Variants in KLHL1 observed in about 807,000 individuals in gnomAD.
KLHL1 encodes kelch-like protein 1.
KLHL1 carries 47 observed loss-of-function variants against 77.7 expected under a neutral mutation model. The observed-to-expected ratio is 0.60, with a 90% CI of 0.48 to 0.77. The LOEUF is 0.77. Ranked by LOEUF, KLHL1 falls within the 30% of genes least tolerant of loss-of-function variation. KLHL1 has a pLI of 0.00. For missense variants in KLHL1, 925 were observed against 910.8 expected, an observed-to-expected ratio of 1.02 and a Z score of -0.20; for synonymous variants, 360 against 325.2, an observed-to-expected ratio of 1.11 and a Z score of -1.15.
chr13:69,985,465 G>A (rs1015002769), intron 1 of KLHL1, among the ~76,000 whole-genome samples: 1 of 151,734 alleles, frequency 6.6e-6, no homozygotes, highest in Non-Finnish European at 1.5e-5. Flanking sequence ...TGTTAGAATG[G>A]TTGTTATCAA....
chr13:69,877,656 A>G lies in KLHL1; in HGVS notation c.1227+4627T>C, dbSNP rs191425737. On this transcript the variant is annotated intron_variant, in intron 5 of 10. Coordinates refer to ENST00000377844, the MANE Select transcript of KLHL1 (RefSeq NM_020866.3). ...GATTATAACTCAGTTATCTATCACT[A>G]TCATTTTCCCTTTTTCTCTGGTCTA... Among the ~76,000 whole-genome samples, 573 of 152,228 alleles carry G rather than the reference A, an allele frequency of 3.8e-3. 1 individual carries two copies. The highest frequency in any genetic ancestry group is 5.6e-3 in the Non-Finnish European group (379 of 67,994).
intron 5 of KLHL1, among the ~76,000 whole-genome samples, chr13:69,879,771 A>T (rs1424873838): frequency 6.6e-6 from 1 of 152,192 alleles, no homozygotes; most frequent in Non-Finnish European, 1.5e-5. Flanking sequence ...GTGATAGAAG[A>T]TCCACATTTC....
At position 69,733,923 on chromosome 13, in the gene KLHL1, CAAG is replaced by C. The variant is rs764134080; in HGVS notation, c.1802+6468_1802+6470del. On this transcript the variant is annotated intron_variant, in intron 8 of 10. Transcript: ENST00000377844. Reference sequence around the variant, plus strand: ...TCATAACTGCATTATTCTTAATAGTCAAGAAGAGGAAACAACTGAAATATCCAA... The same window carrying C: ...TCATAACTGCATTATTCTTAATAGTCAAGAGGAAACAACTGAAATATCCAA... Among the ~76,000 whole-genome samples, 11 of 152,214 alleles carry C rather than the reference CAAG, an allele frequency of 7.2e-5. No individual in the cohort carries two copies. In the South Asian group the frequency reaches 1.7e-3, roughly 23 times the overall value.
At position 69,701,657 on chromosome 13, in the gene KLHL1, A is replaced by C. The variant is rs778954310; in HGVS notation, c.*45T>G. On this transcript the variant is annotated 3_prime_UTR_variant, in exon 11 of 11. Coordinates refer to ENST00000377844, the MANE Select transcript of KLHL1 (RefSeq NM_020866.3). Reference sequence around the variant, plus strand: ...CATTCTTGCCATTCAATATAAAAATAACCACTCCAGCAAGTAAAATCTTTC... The same window carrying C: ...CATTCTTGCCATTCAATATAAAAATCACCACTCCAGCAAGTAAAATCTTTC... 4 of 1,376,136 alleles carry C rather than the reference A, an allele frequency of 2.9e-6. No individual in the cohort carries two copies. Among genetic ancestry groups the C allele is most frequent in the Non-Finnish European group, 4.1e-6 (4 of 973,480 alleles). The allele number at this position is 1,376,136 out of a possible 1,614,324, so 85.2% of individuals were successfully genotyped here. A position where few individuals can be genotyped will look rare whatever the true frequency, so the allele number is the denominator to read the frequency against.
Position 69,882,364 on chromosome 13 carries a change from C to T in KLHL1, c.1146G>A (p.Trp382Ter). Residue 382 changes from tryptophan to a stop codon, truncating the protein, a stop_gained, in exon 5 of 11, where the codon TGG (tryptophan) becomes TGA (stop). Coordinates refer to ENST00000377844, the MANE Select transcript of KLHL1 (RefSeq NM_020866.3). LOFTEE classifies it high-confidence loss of function. The stretch of plus-strand genomic sequence containing the variant: ...ATCTACTCTGCATGTCATACTTGAC[C>T]CACATCATCAATGCATGGAAGATGG... ...EETIFHALMMWVKYDMQSRCN... is the reference protein window; with the variant it reads ...EETIFHALMM 1 of 1,613,738 alleles carries T rather than the reference C, an allele frequency of 6.2e-7. No homozygotes were observed. Among genetic ancestry groups the T allele is most frequent in the Non-Finnish European group, 8.5e-7 (1 of 1,179,726 alleles).
intron 1 of KLHL1, among the ~76,000 whole-genome samples, chr13:70,059,785 A>G (rs937674741): frequency 1.3e-5 from 2 of 152,214 alleles, no homozygotes; most frequent in Non-Finnish European, 2.9e-5. Flanking sequence ...GAAGGCAAAG[A>G]GGAAGTAGGC....
intron 6 of KLHL1, among the ~76,000 whole-genome samples, chr13:69,823,578 A>G (rs1307571145): frequency 6.6e-6 from 1 of 152,062 alleles, no homozygotes; most frequent in African/African-American, 2.4e-5. Flanking sequence ...TCTAGTGTGG[A>G]AATTTATATC....
intron 7 of KLHL1, among the ~76,000 whole-genome samples, chr13:69,752,706 T>G (rs1228445257): frequency 3.3e-5 from 5 of 152,154 alleles, no homozygotes; most frequent in Non-Finnish European, 5.9e-5. Flanking sequence ...CCTGGGGGTT[T>G]AAAGGTTGGG....
chr13:69,761,425 G>A (rs1222476591), intron 7 of KLHL1, among the ~76,000 whole-genome samples: 1 of 152,146 alleles, frequency 6.6e-6, no homozygotes, highest in Non-Finnish European at 1.5e-5. Flanking sequence ...AGTTTACTAG[G>A]TATGATGGAA....
chr13:69,720,550 G>T (rs149349964), intron 8 of KLHL1, among the ~76,000 whole-genome samples: 2,998 of 152,142 alleles, frequency 0.02, 47 homozygotes, highest in Non-Finnish European at 0.028. Flanking sequence ...ACTGGGGAAG[G>T]TTCAAAGTGC....
intron 3 of KLHL1, among the ~76,000 whole-genome samples, chr13:69,951,958 T>C (rs1187996296): frequency 6.6e-6 from 1 of 151,450 alleles, no homozygotes; most frequent in Non-Finnish European, 1.5e-5. Context: ...CTGAAAACAC[T>C]ATCCGAGCAC....
chr13:69,747,566 T>A (rs991225542), intron 7 of KLHL1, among the ~76,000 whole-genome samples: 1 of 151,970 alleles, frequency 6.6e-6, no homozygotes, highest in African/African-American at 2.4e-5. Context: ...GTCTTCATAC[T>A]CAAGCCTCAG....
intron 1 of KLHL1, among the ~76,000 whole-genome samples, chr13:69,997,035 ACATGGTGAAAC>A (rs1885173248): frequency 6.8e-6 from 1 of 147,632 alleles, no homozygotes; most frequent in South Asian, 2.1e-4. Context: ...AACCTGGTCA[ACATGGTGAAAC>A]CCTGTCTCTA....
intron 4 of KLHL1, among the ~76,000 whole-genome samples, chr13:69,934,898 T>C (rs1053106536): frequency 6.7e-6 from 1 of 150,048 alleles, no homozygotes; most frequent in African/African-American, 2.4e-5. Flanking sequence ...TCCTGATTTA[T>C]GGGAGGGTTC....
At chr13:69,783,952 C>T (rs1876370273) in intron 7 of KLHL1, among the ~76,000 whole-genome samples, 1 of 152,054 alleles carries the variant, frequency 6.6e-6, no homozygotes, top group Non-Finnish European at 1.5e-5. Context: ...GGGTTACCCA[C>T]AAAGGGAAGC....
At chr13:69,882,985 C>T (rs924245774) in intron 4 of KLHL1, among the ~76,000 whole-genome samples, 1 of 152,174 alleles carries the variant, frequency 6.6e-6, no homozygotes, top group Non-Finnish European at 1.5e-5. Flanking sequence ...CAAAATCCAG[C>T]AAGTTCCATC....
chr13:69,970,052 G>A (rs1454373502), intron 2 of KLHL1, among the ~76,000 whole-genome samples: 1 of 152,052 alleles, frequency 6.6e-6, no homozygotes, highest in Non-Finnish European at 1.5e-5. Context: ...GCTTACCTCT[G>A]ATTCATTGAC....
intron 7 of KLHL1, among the ~76,000 whole-genome samples, chr13:69,768,246 T>C (rs1875400986): frequency 6.6e-6 from 1 of 152,174 alleles, no homozygotes; most frequent in African/African-American, 2.4e-5. Flanking sequence ...TTTTCTAGAT[T>C]GTATTAAAAG....
chr13:70,036,233 G>A (rs1450614005), intron 1 of KLHL1, among the ~76,000 whole-genome samples: 1 of 151,576 alleles, frequency 6.6e-6, no homozygotes, highest in Non-Finnish European at 1.5e-5. Flanking sequence ...AGGGTTACTA[G>A]TTTTATTTAT....
Sources: allele counts gnomAD v4.1 joint callset (sites outside exome capture counted in the v4.1 genomes callset), GRCh38; gene constraint gnomAD v4.1.1; transcripts MANE v1.5; gene names NCBI Gene and HGNC (gene_info 2026-07-23, HGNC 2026-07-21).